GSE1: variants seen among roughly 807,000 people sequenced by gnomAD.
The protein encoded by GSE1 is genetic suppressor element 1.
Under a neutral mutation model 112.6 loss-of-function variants are expected in GSE1, and 32 were observed. The ratio of observed to expected loss-of-function variants is 0.28; its 90% confidence interval spans 0.21 to 0.38. The LOEUF (loss-of-function observed/expected upper bound fraction) is 0.38. Ranked by LOEUF, GSE1 falls within the 10% of genes least tolerant of loss-of-function variation. The probability of loss-of-function intolerance (pLI) is 1.00; values close to 1 mark genes in which losing one functional copy is unlikely to be tolerated. For missense variants in GSE1, 2,348 were observed against 1,699.2 expected (o/e 1.38, Z -6.71); for synonymous variants, 1,115 against 735.6 (o/e 1.52, Z -8.35).
chr16:85,610,568 A>G (rs186969294), upstream of GSE1, among the ~76,000 whole-genome samples: 584 of 152,322 alleles, frequency 3.8e-3, 3 homozygotes, highest in Middle Eastern at 6.8e-3. Context: ...CCGGATTACT[A>G]ATTTCCGGGG....
rs111536176 is a variant in GSE1, at chr16:85,280,638, C to A, written c.2284-76825C>A. Among the ~76,000 whole-genome samples the A allele has an allele frequency of 2.8e-4, 43 of 152,298 alleles. 1 individual carries two copies. The highest frequency in any genetic ancestry group is 1.0e-3 in the African/African-American group (42 of 41,572). On this transcript the variant is annotated intron_variant, in intron 1 of 2. Coordinates refer to the GSE1 transcript ENST00000637419. ...CTCGAACTTCTGACCTCAAGTGATCCGCCCACCTCAGCCTCCCAAAGTGCT... is the reference window on the plus strand; with the variant it reads ...CTCGAACTTCTGACCTCAAGTGATCAGCCCACCTCAGCCTCCCAAAGTGCT...
At chr16:85,170,065 C>CCCCTTT in exon 1 of GSE1, 1 of 984,922 alleles carries the variant, frequency 1.0e-6, no homozygotes, top group South Asian at 4.7e-5. Context: ...GGACACCGAC[C>CCCCTTT]CCCTTTCCGA....
intron 1 of GSE1, among the ~76,000 whole-genome samples, chr16:85,596,555 G>GTT (rs2047235100): frequency 6.6e-6 from 1 of 152,150 alleles, no homozygotes; most frequent in Non-Finnish European, 1.5e-5. Context: ...AATTTAAGTT[G>GTT]TTTCTGTATT....
chr16:85,402,648 A>C (rs1476278543), intron 2 of GSE1, among the ~76,000 whole-genome samples: 2 of 152,188 alleles, frequency 1.3e-5, no homozygotes, highest in African/African-American at 4.8e-5. Flanking sequence ...AAGGCCAGGC[A>C]TGGTGGCTCA....
At chr16:85,516,837 G>A (rs1243796730) in intron 2 of GSE1, among the ~76,000 whole-genome samples, 7 of 136,746 alleles carry the variant, frequency 5.1e-5, no homozygotes, top group East Asian at 4.4e-4. Context: ...TCGCTCTATC[G>A]CCCAGGCTGG....
At chr16:85,502,936 C>G (rs912282498) in intron 2 of GSE1, among the ~76,000 whole-genome samples, 1 of 151,950 alleles carries the variant, frequency 6.6e-6, no homozygotes, top group Non-Finnish European at 1.5e-5. Context: ...GAATGCGTGG[C>G]GGGAGGAGGA....
intron 1 of GSE1, among the ~76,000 whole-genome samples, chr16:85,184,323 C>G (rs1267683960): frequency 6.6e-6 from 1 of 152,238 alleles, no homozygotes; most frequent in Non-Finnish European, 1.5e-5. Flanking sequence ...TCTCTACTCC[C>G]CCTTCCCCTG....
chr16:85,178,146 A>C (rs1315766853), intron 1 of GSE1, among the ~76,000 whole-genome samples: 1 of 152,176 alleles, frequency 6.6e-6, no homozygotes, highest in Admixed American at 6.5e-5. Context: ...TGCTGAGGTC[A>C]GGGAAGGGTC....
At chr16:85,417,680 G>C (rs549941753) in intron 2 of GSE1, among the ~76,000 whole-genome samples, 5 of 152,218 alleles carry the variant, frequency 3.3e-5, no homozygotes, top group African/African-American at 1.2e-4. Context: ...TGGGAGAGGA[G>C]GGGGCGCTGG....
At chr16:85,617,829 G>A (rs1449286442) in intron 1 of GSE1, among the ~76,000 whole-genome samples, 1 of 152,066 alleles carries the variant, frequency 6.6e-6, no homozygotes, top group Non-Finnish European at 1.5e-5. Flanking sequence ...CTTCCCACCT[G>A]GGAAGCCAGA....
Position 85,668,087 on chromosome 16 carries a change from C to T in GSE1, c.3131-53C>T. 6 of 1,390,994 alleles carry T rather than the reference C, an allele frequency of 4.3e-6. 1 individual carries two copies. The highest frequency in any genetic ancestry group is 3.0e-6 in the Non-Finnish European group (3 of 1,016,838). 86.2% of individuals were successfully genotyped at this position (1,390,994 alleles called of 1,614,324 possible). ...AGAGCAGAGCTCCCTTCTGAGACAG[C>T]ACCCTGTGTCCCTTCCCCCAACACA... On this transcript the variant is annotated intron_variant, in intron 13 of 15. Coordinates refer to ENST00000253458, the MANE Select transcript of GSE1 (RefSeq NM_014615.5).
At chr16:85,603,525 G>C (rs1480319846) in intron 1 of GSE1, among the ~76,000 whole-genome samples, 1 of 152,204 alleles carries the variant, frequency 6.6e-6, no homozygotes, top group Non-Finnish European at 1.5e-5. Context: ...TTTTGAGACA[G>C]GGTCTCACTG....
intron 2 of GSE1, among the ~76,000 whole-genome samples, chr16:85,368,538 C>G (rs560525292): frequency 5.9e-5 from 9 of 152,084 alleles, no homozygotes; most frequent in Non-Finnish European, 1.2e-4. Context: ...GACCACATCT[C>G]TACAAAAAAT....
chr16:85,648,978 A>G (rs1007503903), intron 3 of GSE1, among the ~76,000 whole-genome samples: 5 of 152,034 alleles, frequency 3.3e-5, no homozygotes, highest in Non-Finnish European at 7.4e-5. Flanking sequence ...GTCAGAAGAA[A>G]CCACCCGCTG....
upstream of GSE1, among the ~76,000 whole-genome samples, chr16:85,554,480 C>G (rs910584731): frequency 2.6e-5 from 4 of 152,040 alleles, no homozygotes; most frequent in East Asian, 1.9e-4. Context: ...CATGCCTTCC[C>G]GGATCTGATA....
intron 2 of GSE1, among the ~76,000 whole-genome samples, chr16:85,523,644 G>C (rs1470585086): frequency 6.6e-6 from 1 of 152,226 alleles, no homozygotes; most frequent in African/African-American, 2.4e-5. Context: ...GAGGGACAGA[G>C]GGGGTCCCTC....
chr16:85,315,015 A>T (rs1199880213), intron 1 of GSE1, among the ~76,000 whole-genome samples: 2 of 152,376 alleles, frequency 1.3e-5, no homozygotes, highest in East Asian at 3.9e-4. Flanking sequence ...GGGCCAGCTC[A>T]GAAAATCTGC....
At chr16:85,219,140 A>G (rs909414553) in intron 1 of GSE1, among the ~76,000 whole-genome samples, 9 of 152,056 alleles carry the variant, frequency 5.9e-5, no homozygotes, top group Non-Finnish European at 1.2e-4. Context: ...AGCTTCCCAA[A>G]GTACTGGGAT....
At chr16:85,361,155 C>T (rs1462657168) in intron 2 of GSE1, among the ~76,000 whole-genome samples, 3 of 129,110 alleles carry the variant, frequency 2.3e-5, no homozygotes, top group East Asian at 2.5e-4. Context: ...AACACACAGA[C>T]ACACACAGGG....
Sources: gnomAD v4.1 joint callset for allele counts (sites outside exome capture counted in the v4.1 genomes callset) on GRCh38, gnomAD v4.1.1 for gene constraint, MANE v1.5 for transcripts, NCBI Gene and HGNC (gene_info 2026-07-23, HGNC 2026-07-21) for gene names.